The following PGCKA1 variants were observed in gnomAD, a reference collection of about 807,000 sequenced individuals.
The protein encoded by PGCKA1 is PDCD10 and GCKIII kinases associated 1, also known as PDCD10 and GCKIII kinases-associated protein 1.
the PGCKA1 span, among the ~76,000 whole-genome samples, chr4:37,508,675 TGC>T: frequency 7.5e-6 from 1 of 133,296 alleles, no homozygotes; most frequent in Non-Finnish European, 1.6e-5. Flanking sequence ...TTTTTTTTTT[TGC>T]TGAATCTTTT....
At chr4:37,453,411 T>C in the PGCKA1 span, among the ~76,000 whole-genome samples, 67 of 152,140 alleles carry the variant, frequency 4.4e-4, no homozygotes, top group Non-Finnish European at 8.4e-4. Context: ...CTGGTTTTTA[T>C]CGTGGTGGTG....
chr4:37,492,952 T>A, the PGCKA1 span, among the ~76,000 whole-genome samples: 2 of 152,162 alleles, frequency 1.3e-5, no homozygotes, highest in Non-Finnish European at 2.9e-5. The surrounding 1 kb of genome is among the most constrained non-coding windows in gnomAD (Gnocchi z 4.7). Context: ...GAGTGACCAC[T>A]CATCTGCCTA....
At chr4:37,524,802 CT>C in the PGCKA1 span, among the ~76,000 whole-genome samples, 1 of 152,164 alleles carries the variant, frequency 6.6e-6, no homozygotes, top group Admixed American at 6.5e-5. Context: ...CCAAGTGCCT[CT>C]AAAGCAAATA....
the PGCKA1 span, among the ~76,000 whole-genome samples, chr4:37,455,546 A>G: frequency 6.6e-6 from 1 of 152,158 alleles, no homozygotes; most frequent in African/African-American, 2.4e-5. Context: ...AGCAAGTATG[A>G]TCTTGGTCCT....
the PGCKA1 span, among the ~76,000 whole-genome samples, chr4:37,549,983 G>A: frequency 6.6e-6 from 1 of 152,154 alleles, no homozygotes; most frequent in East Asian, 1.9e-4. Context: ...CTCAGACTGA[G>A]GGCTGTTCCT....
chr4:37,527,152 A>G, the PGCKA1 span, among the ~76,000 whole-genome samples: 1 of 152,158 alleles, frequency 6.6e-6, no homozygotes, highest in Non-Finnish European at 1.5e-5. Flanking sequence ...ATAAAGAAAG[A>G]AAATCATTTT....
chr4:37,555,437 C>T, the PGCKA1 span, among the ~76,000 whole-genome samples: 4 of 152,170 alleles, frequency 2.6e-5, no homozygotes, highest in African/African-American at 9.7e-5. Flanking sequence ...TCCTCCCTAC[C>T]GATTCCTTGC....
At chr4:37,567,603 A>G in the PGCKA1 span, among the ~76,000 whole-genome samples, 190 of 152,240 alleles carry the variant, frequency 1.2e-3, no homozygotes, top group Non-Finnish European at 1.5e-3. Flanking sequence ...GGTGTGATCA[A>G]TCTTCCTGAA....
chr4:37,515,237 G>C, the PGCKA1 span, among the ~76,000 whole-genome samples: 5 of 152,050 alleles, frequency 3.3e-5, no homozygotes, highest in Admixed American at 2.6e-4. Flanking sequence ...CTGGCCTTGG[G>C]TTTCAGAACC....
At chr4:37,540,173 T>A in the PGCKA1 span, among the ~76,000 whole-genome samples, 1 of 152,212 alleles carries the variant, frequency 6.6e-6, no homozygotes, top group African/African-American at 2.4e-5. Flanking sequence ...CCTCTCTTTT[T>A]CCAAGTTTTG....
At chr4:37,484,839 T>C in the PGCKA1 span, among the ~76,000 whole-genome samples, 1 of 152,212 alleles carries the variant, frequency 6.6e-6, no homozygotes, top group Non-Finnish European at 1.5e-5. Flanking sequence ...GATACTTTGA[T>C]CTTGGACTTC....
chr4:37,565,165 A>G, the PGCKA1 span, among the ~76,000 whole-genome samples: 1 of 152,144 alleles, frequency 6.6e-6, no homozygotes, highest in Admixed American at 6.5e-5. Flanking sequence ...GAGGATGACC[A>G]CAAGCTACTG....
the PGCKA1 span, among the ~76,000 whole-genome samples, chr4:37,566,635 G>A: frequency 6.6e-6 from 1 of 152,132 alleles, no homozygotes; most frequent in Non-Finnish European, 1.5e-5. Context: ...CCAGGCTGGA[G>A]TGCAATGGCA....
At chr4:37,507,286 A>G in the PGCKA1 span, among the ~76,000 whole-genome samples, 1 of 152,088 alleles carries the variant, frequency 6.6e-6, no homozygotes, top group Non-Finnish European at 1.5e-5. Context: ...ATCCAATGTT[A>G]TTATTGATAA....
chr4:37,568,033 C>G, the PGCKA1 span, among the ~76,000 whole-genome samples: 3 of 152,326 alleles, frequency 2.0e-5, no homozygotes, highest in Non-Finnish European at 4.4e-5. Context: ...TTTCCACATT[C>G]AACATGGATA....
chr4:37,536,023 A>G, the PGCKA1 span, among the ~76,000 whole-genome samples: 1 of 152,270 alleles, frequency 6.6e-6, no homozygotes, highest in African/African-American at 2.4e-5. Flanking sequence ...CTTGGCACAT[A>G]GTAAGCACTC....
At chr4:37,463,720 T>C in the PGCKA1 span, among the ~76,000 whole-genome samples, 30 of 151,842 alleles carry the variant, frequency 2.0e-4, 3 homozygotes, top group African/African-American at 7.3e-4. Flanking sequence ...GTGAGGGAGC[T>C]AGAGAGTTGT....
the PGCKA1 span, among the ~76,000 whole-genome samples, chr4:37,524,843 G>A: frequency 1.1e-4 from 16 of 152,164 alleles, no homozygotes; most frequent in African/African-American, 2.9e-4. Context: ...AGGCCAAAGC[G>A]GTAATCACTT....
At chr4:37,573,492 T>C in the PGCKA1 span, among the ~76,000 whole-genome samples, 1 of 152,164 alleles carries the variant, frequency 6.6e-6, no homozygotes, top group Admixed American at 6.5e-5. Flanking sequence ...CACTCTGAGA[T>C]AACCACTGTT....
Sources: allele counts gnomAD v4.1 joint callset (sites outside exome capture counted in the v4.1 genomes callset), GRCh38; gene constraint gnomAD v4.1.1; non-coding constraint Gnocchi (gnomAD v3.1); transcripts MANE v1.5; gene names NCBI Gene and HGNC (gene_info 2026-07-23, HGNC 2026-07-21).